Variants in SCAPER observed in about 807,000 individuals in gnomAD.
The protein encoded by SCAPER is S-phase cyclin A associated protein in the ER, also known as S phase cyclin A-associated protein in the endoplasmic reticulum.
A neutral mutation model predicts 182.2 loss-of-function variants in SCAPER; 98 were observed. The observed-to-expected ratio is 0.54, with a 90% CI of 0.46 to 0.64. SCAPER has a LOEUF of 0.64. Among genes scored for constraint, SCAPER ranks in the 30% least tolerant of loss-of-function variants. The pLI is 0.00. For missense variants in SCAPER, 1,432 were observed against 1,690.0 expected (o/e 0.85, Z 2.68); for synonymous variants, 605 against 564.6 (o/e 1.07, Z -1.01).
At chr15:76,365,381 CTTCT>C (rs2041740920) in intron 29 of SCAPER, among the ~76,000 whole-genome samples, 1 of 152,224 alleles carries the variant, frequency 6.6e-6, no homozygotes, top group South Asian at 2.1e-4. Context: ...CCTCTTTTTC[CTTCT>C]TTCATGTTGT....
chr15:76,780,022 G>C (rs144846935), intron 8 of SCAPER, among the ~76,000 whole-genome samples: 44 of 152,320 alleles, frequency 2.9e-4, no homozygotes, highest in African/African-American at 7.9e-4. Context: ...ATCTCATTGT[G>C]ACTGGTTGGA....
At chr15:76,851,621 T>C (rs2070763323) in intron 4 of SCAPER, among the ~76,000 whole-genome samples, 1 of 152,110 alleles carries the variant, frequency 6.6e-6, no homozygotes, top group Admixed American at 6.6e-5. Context: ...TAAGGTCCTT[T>C]TCAGATAAGC....
chr15:76,417,358 T>C (rs1490897264), intron 26 of SCAPER, among the ~76,000 whole-genome samples: 2 of 152,254 alleles, frequency 1.3e-5, no homozygotes, highest in East Asian at 3.8e-4. Flanking sequence ...CATCATCTGC[T>C]GCTGCAAGAC....
rs1213062914 is a variant in SCAPER, at chr15:76,524,685, TTC to T, written c.2839-19713_2839-19712del. On this transcript the variant is annotated intron_variant, in intron 23 of 31. Transcript: ENST00000563290. ...CAGCTTCTGGAGTTGTGTTTTTTTG[TTC>T]TGTTTTTTTTTTTTTTTTTTTTTTT... 2.8e-5 allele frequency among the ~76,000 whole-genome samples: 4 copies of T among 140,808 alleles called. No individual in the cohort carries two copies. The East Asian group carries it at 8.6e-4, about 30-fold the overall frequency. 92.4% of individuals were successfully genotyped at this position (140,808 alleles called of 152,430 possible). A position where few individuals can be genotyped will look rare whatever the true frequency, so the allele number is the denominator to read the frequency against.
intron 25 of SCAPER, among the ~76,000 whole-genome samples, chr15:76,463,466 C>T (rs760375602): frequency 1.3e-5 from 2 of 152,118 alleles, no homozygotes; most frequent in Non-Finnish European, 2.9e-5. Flanking sequence ...GAAGAGCTCA[C>T]CAGCAGCCTC....
At chr15:76,884,198 C>T (rs1595899908) in intron 1 of SCAPER, among the ~76,000 whole-genome samples, 1 of 152,288 alleles carries the variant, frequency 6.6e-6, no homozygotes, top group Non-Finnish European at 1.5e-5. Context: ...AGTTCATACA[C>T]GTTTAACTGA....
intron 24 of SCAPER, among the ~76,000 whole-genome samples, chr15:76,497,109 C>CTTTTTTTTTTT (rs57202860): frequency 0.045 from 3,937 of 86,590 alleles, 306 homozygotes; most frequent in Non-Finnish European, 0.056. Context: ...TTGGTCTCCT[C>CTTTTTTTTTTT]TTTTTTTTTT....
intron 23 of SCAPER, among the ~76,000 whole-genome samples, chr15:76,549,944 C>G (rs571627837): frequency 3.3e-4 from 50 of 152,076 alleles, no homozygotes; most frequent in African/African-American, 1.2e-3. Flanking sequence ...GTAACAAAAG[C>G]AAAATCAGAC....
chr15:76,471,101 T>C (rs72738828), intron 25 of SCAPER, 111 bp downstream of exon 25: 12,476 of 361,946 alleles, frequency 0.034, no homozygotes, highest in Admixed American at 0.042. Context: ...TCTTCTTCTT[T>C]TTTTTTTTTT....
intron 1 of SCAPER, among the ~76,000 whole-genome samples, chr15:76,888,920 C>A (rs1159640086): frequency 8.5e-5 from 13 of 152,080 alleles, no homozygotes; most frequent in Admixed American, 8.5e-4. Context: ...TTAAGGGCAG[C>A]CAGAGAGAAA....
At chr15:76,680,787 C>A (rs1030624034) in intron 20 of SCAPER, among the ~76,000 whole-genome samples, 4 of 152,142 alleles carry the variant, frequency 2.6e-5, no homozygotes, top group African/African-American at 9.7e-5. Context: ...ACCCTGAGGA[C>A]CTCACTATGT....
At chr15:76,639,941 A>G (rs1015412282) in intron 21 of SCAPER, among the ~76,000 whole-genome samples, 1 of 152,234 alleles carries the variant, frequency 6.6e-6, no homozygotes, top group Non-Finnish European at 1.5e-5. Context: ...TAGTATTTTA[A>G]TAGTCAGAGC....
At chr15:76,729,242 CAT>C (rs751781396) in intron 16 of SCAPER, among the ~76,000 whole-genome samples, 4 of 149,884 alleles carry the variant, frequency 2.7e-5, no homozygotes, top group South Asian at 2.1e-4. Flanking sequence ...TTAATAAACT[CAT>C]ATATATATAT....
intron 3 of SCAPER, among the ~76,000 whole-genome samples, chr15:76,860,612 G>A (rs1380811204): frequency 6.6e-6 from 1 of 151,952 alleles, no homozygotes; most frequent in Non-Finnish European, 1.5e-5. Flanking sequence ...AAATAACTGG[G>A]GCAAAGATAA....
Position 76,637,736 on chromosome 15 carries a change from ATATATATGTGTGTGTG to A in SCAPER, c.2646-15923_2646-15908del, listed in dbSNP as rs1433849396. 6.5e-4 allele frequency among the ~76,000 whole-genome samples: 19 copies of A among 29,274 alleles called. 1 individual carries two copies. The highest frequency in any genetic ancestry group is 1.8e-3 in the African/African-American group (19 of 10,362). 19.2% of individuals were successfully genotyped at this position (29,274 alleles called of 152,430 possible). ...TATATATGTGATTATATATATATAT[ATATATATGTGTGTGTG>A]TGTGTGTGTGTGTGTGTGTGTGTGT... On this transcript the variant is annotated intron_variant, in intron 21 of 31. Coordinates refer to ENST00000563290, the MANE Select transcript of SCAPER (RefSeq NM_020843.4).
intron 4 of SCAPER, among the ~76,000 whole-genome samples, chr15:76,856,489 T>C (rs760412369): frequency 2.0e-5 from 3 of 150,900 alleles, no homozygotes; most frequent in Non-Finnish European, 4.4e-5. Context: ...AGTATATATT[T>C]TTATATGTAT....
chr15:76,671,501 G>A (rs1481636387), intron 20 of SCAPER, among the ~76,000 whole-genome samples: 1 of 152,138 alleles, frequency 6.6e-6, no homozygotes, highest in African/African-American at 2.4e-5. Context: ...TGAGTGTGGT[G>A]GCTCATGCCT....
At chr15:76,768,873 C>A (rs1198212424) in intron 10 of SCAPER, among the ~76,000 whole-genome samples, 1 of 151,006 alleles carries the variant, frequency 6.6e-6, no homozygotes, top group Non-Finnish European at 1.5e-5. Flanking sequence ...AAGTTGTACA[C>A]AAAAACGTTC....
intron 20 of SCAPER, among the ~76,000 whole-genome samples, chr15:76,693,789 A>G (rs2058506439): frequency 6.6e-6 from 1 of 152,150 alleles, no homozygotes; most frequent in Non-Finnish European, 1.5e-5. Context: ...TGGGGTTCAT[A>G]GAGACAGAAA....
Sources: allele counts gnomAD v4.1 joint callset (sites outside exome capture counted in the v4.1 genomes callset), GRCh38; gene constraint gnomAD v4.1.1; transcripts MANE v1.5; gene names NCBI Gene and HGNC (gene_info 2026-07-23, HGNC 2026-07-21).